The following CDH4 variants were observed in gnomAD, a reference collection of about 807,000 sequenced individuals.
The protein encoded by CDH4 is cadherin 4.
Under a neutral mutation model 86.0 loss-of-function variants are expected in CDH4, and 33 were observed. That is an observed-to-expected ratio of 0.38 (90% CI 0.29 to 0.51). CDH4 has a LOEUF of 0.51. Ranked by LOEUF, CDH4 falls within the 20% of genes least tolerant of loss-of-function variation. The probability of loss-of-function intolerance (pLI) is 0.86; values close to 1 mark genes in which losing one functional copy is unlikely to be tolerated. For synonymous variants in CDH4, 555 were observed against 549.4 expected, an observed-to-expected ratio of 1.01 and a Z score of -0.14; for missense variants, 1,114 against 1,307.4, an observed-to-expected ratio of 0.85 and a Z score of 2.28.
At chr20:61,598,079 G>A (rs1038538365) in intron 2 of CDH4, among the ~76,000 whole-genome samples, 4 of 152,292 alleles carry the variant, frequency 2.6e-5, no homozygotes, top group African/African-American at 7.2e-5. Context: ...GTGAACACAT[G>A]CCAAGCTCTT....
intron 2 of CDH4, among the ~76,000 whole-genome samples, chr20:61,464,448 C>T (rs2085462011): frequency 6.6e-6 from 1 of 152,118 alleles, no homozygotes; most frequent in Non-Finnish European, 1.5e-5. Flanking sequence ...AATGACAGTC[C>T]AATGCCCGGC....
rs2087690033 is a variant in CDH4, at chr20:61,694,000, C to T, written c.170-49563C>T. On this transcript the variant is annotated intron_variant, in intron 2 of 15. Transcript: ENST00000614565. ...CTCCACCTCCCAGGTTCAAGCGAGTCTCCTGCCTCAGCCTCCCGAGTAGGT... is the reference window on the plus strand; with the variant it reads ...CTCCACCTCCCAGGTTCAAGCGAGTTTCCTGCCTCAGCCTCCCGAGTAGGT... Among the ~76,000 whole-genome samples the T allele has an allele frequency of 4.7e-5, 7 of 148,258 alleles. No homozygotes were observed. The South Asian group carries it at 1.5e-3, about 32-fold the overall frequency.
intron 2 of CDH4, among the ~76,000 whole-genome samples, chr20:61,295,121 T>C (rs1392360373): frequency 6.6e-6 from 1 of 152,236 alleles, no homozygotes; most frequent in Non-Finnish European, 1.5e-5. Flanking sequence ...GGCGTAATTA[T>C]AAACACATTT....
chr20:61,656,397 A>G (rs62197796), intron 2 of CDH4, among the ~76,000 whole-genome samples: 42,460 of 127,852 alleles, frequency 0.33, 8,460 homozygotes, highest in East Asian at 0.56. Context: ...GCCTGACTGG[A>G]GTGAGCAGGT....
chr20:61,756,776 T>C (rs1015218738), intron 3 of CDH4, among the ~76,000 whole-genome samples: 1 of 152,084 alleles, frequency 6.6e-6, no homozygotes. Flanking sequence ...TTGAGAACTT[T>C]AACTGAAGGG....
At chr20:61,396,724 G>A (rs6142818) in intron 2 of CDH4, among the ~76,000 whole-genome samples, 1 of 152,050 alleles carries the variant, frequency 6.6e-6, no homozygotes, top group African/African-American at 2.4e-5. Flanking sequence ...CGGAGGCCCC[G>A]AAGGGGTAGC....
At chr20:61,722,128 G>C (rs1033902736) in intron 2 of CDH4, among the ~76,000 whole-genome samples, 1 of 152,162 alleles carries the variant, frequency 6.6e-6, no homozygotes, top group African/African-American at 2.4e-5. Context: ...AGGCCAAGAA[G>C]AAATGGCAGA....
intron 2 of CDH4, among the ~76,000 whole-genome samples, chr20:61,523,339 T>A (rs953584019): frequency 2.6e-5 from 4 of 152,218 alleles, no homozygotes; most frequent in African/African-American, 7.2e-5. Context: ...CGGTCTCTGC[T>A]CTCTTGTCAG....
chr20:61,319,635 G>A (rs1369106114), intron 2 of CDH4, among the ~76,000 whole-genome samples: 1 of 152,078 alleles, frequency 6.6e-6, no homozygotes, highest in Non-Finnish European at 1.5e-5. Flanking sequence ...GGGATATAAA[G>A]TTTCAATTAT....
At chr20:61,687,867 A>G (rs201581728) in intron 2 of CDH4, among the ~76,000 whole-genome samples, 2 of 152,246 alleles carry the variant, frequency 1.3e-5, no homozygotes, top group East Asian at 3.9e-4. Context: ...ACCTTAGACC[A>G]CAGGGGAGCC....
At chr20:61,668,514 T>A (rs2087351929) in intron 2 of CDH4, among the ~76,000 whole-genome samples, 1 of 152,200 alleles carries the variant, frequency 6.6e-6, no homozygotes, top group Non-Finnish European at 1.5e-5. Context: ...CTGGGGCCCA[T>A]GTGCATGCTG....
intron 2 of CDH4, among the ~76,000 whole-genome samples, chr20:61,255,540 C>T (rs1414652325): frequency 6.6e-6 from 1 of 152,206 alleles, no homozygotes; most frequent in Non-Finnish European, 1.5e-5. Context: ...ACTAATTAGA[C>T]TTTATATTTG....
intron 2 of CDH4, among the ~76,000 whole-genome samples, chr20:61,464,197 G>T (rs986369633): frequency 2.0e-5 from 3 of 152,168 alleles, no homozygotes; most frequent in Non-Finnish European, 2.9e-5. Context: ...GGTGCTGGGG[G>T]CTGGGCAAAC....
chr20:61,940,568 C>A lies in CDH4; in HGVS notation c.*3625C>A, dbSNP rs907547737. The A allele has an allele frequency of 2.0e-5, 3 of 152,218 alleles. No homozygotes were observed. Among genetic ancestry groups the A allele is most frequent in the Non-Finnish European group, 4.4e-5 (3 of 68,060 alleles). 9.4% of individuals were successfully genotyped at this position (152,218 alleles called of 1,614,324 possible). ...CCCTTGCGGAGCGGTTGTGCGCGGG[C>A]AGGCGGGGCGCGCTGCTCCAGAGAA... is the stretch of plus-strand genomic sequence containing the variant. On this transcript the variant is annotated 3_prime_UTR_variant, in exon 16 of 16. Coordinates refer to ENST00000614565, the MANE Select transcript of CDH4 (RefSeq NM_001794.5).
chr20:61,836,028 G>A (rs1481960364), intron 4 of CDH4, among the ~76,000 whole-genome samples: 1 of 152,212 alleles, frequency 6.6e-6, no homozygotes, highest in Non-Finnish European at 1.5e-5. Context: ...AGGGCTCTGG[G>A]TCTTGACCGG....
intron 7 of CDH4, among the ~76,000 whole-genome samples, chr20:61,889,964 TGG>T (rs1984737905): frequency 2.8e-5 from 4 of 142,796 alleles, no homozygotes; most frequent in Middle Eastern, 4.6e-3. Flanking sequence ...GGATGATGGA[TGG>T]ATGGATGATG....
chr20:61,761,441 A>T lies in CDH4; in HGVS notation c.397-11562A>T, dbSNP rs535042875. Among the ~76,000 whole-genome samples the T allele has an allele frequency of 3.3e-5, 5 of 152,186 alleles. No individual in the cohort carries two copies. In the East Asian group the frequency reaches 9.7e-4, roughly 29 times the overall value. On this transcript the variant is annotated intron_variant, in intron 3 of 15. Transcript: ENST00000614565. ...CCCAGATGTTTCATTTCCACGGCAG[A>T]CTCCTATGCAATCGATAGTCTTGGA...
chr20:61,322,900 C>A (rs2123245134), intron 2 of CDH4, among the ~76,000 whole-genome samples: 1 of 152,254 alleles, frequency 6.6e-6, no homozygotes, highest in East Asian at 1.9e-4. Context: ...AGGCTCTATC[C>A]CTGGTGTCCC....
At chr20:61,739,284 G>GC (rs2088304392) in intron 2 of CDH4, among the ~76,000 whole-genome samples, 1 of 152,182 alleles carries the variant, frequency 6.6e-6, no homozygotes, top group Non-Finnish European at 1.5e-5. Context: ...CAGGACAGAA[G>GC]CCCCCTTTCT....
Sources: gnomAD v4.1 joint callset for allele counts (sites outside exome capture counted in the v4.1 genomes callset) on GRCh38, gnomAD v4.1.1 for gene constraint, MANE v1.5 for transcripts, NCBI Gene and HGNC (gene_info 2026-07-23, HGNC 2026-07-21) for gene names.